The following PDE3A variants were observed in gnomAD, a reference collection of about 807,000 sequenced individuals.
PDE3A encodes the protein cGMP-inhibited 3',5'-cyclic phosphodiesterase 3A.
In PDE3A, 43 loss-of-function variants were observed where a neutral mutation model predicts 98.3. The ratio of observed to expected loss-of-function variants is 0.44; its 90% CI spans 0.34 to 0.56. The LOEUF is 0.56. Ranked by LOEUF, PDE3A falls within the 20% of genes least tolerant of loss-of-function variation. The pLI, the probability that PDE3A is intolerant of heterozygous loss-of-function variation, is 0.01. For synonymous variants in PDE3A, 663 were observed against 567.9 expected (o/e 1.17, Z -2.38); for missense variants, 1,427 against 1,440.7 (o/e 0.99, Z 0.15).
chr12:20,412,244 G>C (rs923559372), intron 1 of PDE3A, among the ~76,000 whole-genome samples: 1 of 152,144 alleles, frequency 6.6e-6, no homozygotes, highest in Non-Finnish European at 1.5e-5. Context: ...AATATTTGTT[G>C]TGTTAGTGGC....
intron 1 of PDE3A, among the ~76,000 whole-genome samples, chr12:20,386,102 T>TATATATAAATATATAA: frequency 6.8e-5 from 1 of 14,624 alleles, no homozygotes; most frequent in Non-Finnish European, 1.5e-4. Context: ...TATATATAAA[T>TATATATAAATATATAA]ATATATATAA....
Position 20,597,386 on chromosome 12 carries a change from T to C in PDE3A, c.1012-16057T>C, listed in dbSNP as rs113877685. On this transcript the variant is annotated intron_variant, in intron 2 of 15. Transcript: ENST00000359062. ...TTAGGTGTTGGATCTATGAGACTTATAGGGGCTCAAGATTTTGAGGGAAAT... is the reference window on the plus strand; with the variant it reads ...TTAGGTGTTGGATCTATGAGACTTACAGGGGCTCAAGATTTTGAGGGAAAT... Among the ~76,000 whole-genome samples, 6 of 152,308 alleles carry C rather than the reference T, an allele frequency of 3.9e-5. 1 individual carries two copies. Among genetic ancestry groups the C allele is most frequent in the African/African-American group, 1.2e-4 (5 of 41,584 alleles).
At chr12:20,515,942 CG>C (rs1369107849) in intron 1 of PDE3A, among the ~76,000 whole-genome samples, 1 of 150,580 alleles carries the variant, frequency 6.6e-6, no homozygotes, top group African/African-American at 2.4e-5. Context: ...CCGTTTTAGC[CG>C]GGATGGTCTC....
Position 20,606,068 on chromosome 12 carries a change from T to A in PDE3A, c.1012-7375T>A, listed in dbSNP as rs552668312. ...TCAAGAATTGGATGCATTATCTTCA[T>A]CTACACCCCAGGTGCTAGATAATCT... On this transcript the variant is annotated intron_variant, in intron 2 of 15. Coordinates refer to ENST00000359062, the MANE Select transcript of PDE3A (RefSeq NM_000921.5). 5.3e-5 allele frequency among the ~76,000 whole-genome samples: 8 copies of A among 152,350 alleles called. No individual in the cohort carries two copies. The East Asian group carries it at 1.5e-3, about 29-fold the overall frequency.
chr12:20,686,823 G>A lies in PDE3A; in HGVS notation c.*6552G>A, dbSNP rs1945976629. Among the ~76,000 whole-genome samples the A allele has an allele frequency of 6.6e-6, 1 of 152,094 alleles. No individual in the cohort carries two copies. The highest frequency in any genetic ancestry group is 2.4e-5 in the African/African-American group (1 of 41,428). On this transcript the variant is annotated 3_prime_UTR_variant, in exon 16 of 16. Transcript: ENST00000359062. ...CTAGTTCCTCAAGCCTGCTTTCCTT[G>A]TAAAGTCCATGGTACTAAGAAGCAA...
intron 2 of PDE3A, among the ~76,000 whole-genome samples, chr12:20,603,056 G>A (rs1943629613): frequency 6.6e-6 from 1 of 152,166 alleles, no homozygotes; most frequent in Non-Finnish European, 1.5e-5. Context: ...AAGAGTTGGA[G>A]GGATGGAGTG....
At chr12:20,545,328 G>A (rs1034819582) in intron 1 of PDE3A, among the ~76,000 whole-genome samples, 6 of 151,948 alleles carry the variant, frequency 3.9e-5, no homozygotes, top group Non-Finnish European at 8.8e-5. Context: ...TAGTAGAGAG[G>A]CTAGAATTTC....
chr12:20,661,297 A>C (rs1041166518), intron 15 of PDE3A, among the ~76,000 whole-genome samples: 1 of 152,222 alleles, frequency 6.6e-6, no homozygotes, highest in East Asian at 1.9e-4. Flanking sequence ...CCATTTTATA[A>C]GGGAAGCAGA....
chr12:20,630,187 A>C, intron 6 of PDE3A, 60 bp downstream of exon 6: 2 of 1,224,248 alleles, frequency 1.6e-6, no homozygotes, highest in East Asian at 2.3e-5. Context: ...TTCCCCTAGA[A>C]ATACCTACCA....
At chr12:20,428,222 C>T (rs1252890909) in intron 1 of PDE3A, among the ~76,000 whole-genome samples, 1 of 152,034 alleles carries the variant, frequency 6.6e-6, no homozygotes. Context: ...AAATCACAAT[C>T]CCCAAAACAT....
chr12:20,516,975 C>G (rs1478081757), intron 1 of PDE3A, among the ~76,000 whole-genome samples: 1 of 152,152 alleles, frequency 6.6e-6, no homozygotes, highest in Admixed American at 6.5e-5. Context: ...TGTTTTACCC[C>G]TCTTTGTACA....
At chr12:20,660,184 T>C (rs780677651) in intron 15 of PDE3A, among the ~76,000 whole-genome samples, 17 of 152,210 alleles carry the variant, frequency 1.1e-4, no homozygotes, top group Non-Finnish European at 2.1e-4. Flanking sequence ...GGCACTTCTC[T>C]CTTTGTATGA....
chr12:20,596,786 A>G (rs1429848115), intron 2 of PDE3A, among the ~76,000 whole-genome samples: 1 of 152,196 alleles, frequency 6.6e-6, no homozygotes, highest in Non-Finnish European at 1.5e-5. Context: ...GGAGTCAACC[A>G]TGAAATCTTG....
At chr12:20,411,875 C>T (rs184747722) in intron 1 of PDE3A, among the ~76,000 whole-genome samples, 266 of 152,170 alleles carry the variant, frequency 1.7e-3, no homozygotes, top group African/African-American at 5.4e-3. Flanking sequence ...AAAAAATTAC[C>T]GTGTGCTTAA....
chr12:20,406,519 T>C (rs1256206500), intron 1 of PDE3A, among the ~76,000 whole-genome samples: 1 of 152,232 alleles, frequency 6.6e-6, no homozygotes, highest in Admixed American at 6.5e-5. Flanking sequence ...GCCATTTGTA[T>C]GTCTTCTTTA....
chr12:20,653,838 T>C, intron 14 of PDE3A, 109 bp from the exon 15 acceptor site: 1 of 1,118,022 alleles, frequency 8.9e-7, no homozygotes, highest in South Asian at 1.5e-5. Context: ...TGAGGTAGGA[T>C]CCTTTAGCTG....
At chr12:20,519,523 T>C (rs761561271) in intron 1 of PDE3A, among the ~76,000 whole-genome samples, 3 of 152,336 alleles carry the variant, frequency 2.0e-5, no homozygotes, top group Middle Eastern at 3.4e-3. Context: ...AATTTGCCCT[T>C]TGATGTATAT....
intron 1 of PDE3A, among the ~76,000 whole-genome samples, chr12:20,385,386 C>T (rs913269821): frequency 5.4e-4 from 82 of 152,068 alleles, no homozygotes; most frequent in African/African-American, 1.9e-3. Flanking sequence ...TGTGGCGATT[C>T]CTCAGGGATC....
intron 1 of PDE3A, among the ~76,000 whole-genome samples, chr12:20,463,150 TAAG>T (rs1450555622): frequency 1.3e-5 from 2 of 152,170 alleles, no homozygotes; most frequent in African/African-American, 4.8e-5. Flanking sequence ...AAGAGAGGAA[TAAG>T]AAGAGTAGCT....
Sources: allele counts gnomAD v4.1 joint callset (sites outside exome capture counted in the v4.1 genomes callset), GRCh38; gene constraint gnomAD v4.1.1; transcripts MANE v1.5; gene names NCBI Gene and HGNC (gene_info 2026-07-23, HGNC 2026-07-21).